CCNT2: variants seen among roughly 807,000 people sequenced by gnomAD.
CCNT2 encodes cyclin T2.
CCNT2 carries 18 observed loss-of-function variants against 70.0 expected under a neutral mutation model. The ratio of observed to expected loss-of-function variants is 0.26; its 90% CI spans 0.18 to 0.38. The LOEUF (loss-of-function observed/expected upper bound fraction) is 0.38. Among genes scored for constraint, CCNT2 ranks in the 10% least tolerant of loss-of-function variants. The pLI, the probability that CCNT2 is intolerant of heterozygous loss-of-function variation, is 1.00. For missense variants in CCNT2, 734 were observed against 890.2 expected, an observed-to-expected ratio of 0.82 and a Z score of 2.23; for synonymous variants, 334 against 313.3, an observed-to-expected ratio of 1.07 and a Z score of -0.70.
At chr2:134,937,017 T>C (rs1351957768) in intron 3 of CCNT2, 48 bp downstream of exon 3, 1 of 1,435,034 alleles carries the variant, frequency 7.0e-7, no homozygotes, top group South Asian at 1.2e-5. Flanking sequence ...TTTGAAACTT[T>C]TTCATAATGT....
chr2:134,926,597 C>T (rs557679298), intron 2 of CCNT2, among the ~76,000 whole-genome samples: 3 of 152,226 alleles, frequency 2.0e-5, no homozygotes, highest in Non-Finnish European at 4.4e-5. Context: ...GTGCTAGCTG[C>T]TCTTCTCACA....
chr2:134,954,010 A>G lies in CCNT2; in HGVS notation c.1555A>G (p.Ser519Gly), dbSNP rs1432783553. 6.2e-7 allele frequency: 1 copy of G among 1,614,234 alleles called. No homozygotes were observed. Among genetic ancestry groups the G allele is most frequent in the East Asian group, 2.2e-5 (1 of 44,894 alleles). Reference protein sequence around the residue: ...IPIPPTDKSASKEELKMKIKV... With the variant: ...IPIPPTDKSAGKEELKMKIKV... Reference sequence around the variant, plus strand: ...AATACCACCCACTGATAAAAGCGCCAGTAAAGAAGAACTGAAAATGAAAAT... The same window carrying G: ...AATACCACCCACTGATAAAAGCGCCGGTAAAGAAGAACTGAAAATGAAAAT... Residue 519 changes from serine to glycine, a missense_variant, in exon 9 of 9, where the codon AGT becomes GGT. Coordinates refer to ENST00000264157, the MANE Select transcript of CCNT2 (RefSeq NM_058241.3).
At chr2:134,944,707 A>C (rs912557855) in intron 5 of CCNT2, 3 of 983,648 alleles carry the variant, frequency 3.0e-6, no homozygotes, top group African/African-American at 3.5e-5. Flanking sequence ...GGTAACTAGA[A>C]TATATCTCAC....
At chr2:134,930,056 T>C (rs1680629381) in intron 2 of CCNT2, among the ~76,000 whole-genome samples, 1 of 152,118 alleles carries the variant, frequency 6.6e-6, no homozygotes, top group Admixed American at 6.5e-5. Flanking sequence ...ATTCAGTGGC[T>C]CACACGAAGT....
At chr2:134,951,811 A>G (rs1373190464) in intron 7 of CCNT2, among the ~76,000 whole-genome samples, 1 of 152,232 alleles carries the variant, frequency 6.6e-6, no homozygotes, top group Non-Finnish European at 1.5e-5. Context: ...CATTGGTACA[A>G]TACTGTTAAC....
intron 2 of CCNT2, among the ~76,000 whole-genome samples, chr2:134,936,481 C>T (rs542928706): frequency 3.0e-4 from 46 of 152,156 alleles, no homozygotes; most frequent in African/African-American, 1.1e-3. Context: ...GGGCTGGGTA[C>T]AGGGGCTTAT....
At chr2:134,939,141 T>C in intron 4 of CCNT2, 79 bp downstream of exon 4, 1 of 1,002,834 alleles carries the variant, frequency 1.0e-6, no homozygotes. Flanking sequence ...ATTTCTGAAA[T>C]AATTGTATTA....
intron 7 of CCNT2, among the ~76,000 whole-genome samples, chr2:134,951,987 C>T (rs1227524612): frequency 6.6e-6 from 1 of 152,116 alleles, no homozygotes; most frequent in Non-Finnish European, 1.5e-5. Flanking sequence ...TCATTTTATA[C>T]AGTGTTCCTT....
At chr2:134,936,742 G>T in intron 2 of CCNT2, 99 bp from the exon 3 acceptor site, 1 of 1,079,630 alleles carries the variant, frequency 9.3e-7, no homozygotes, top group Middle Eastern at 2.8e-4. Context: ...CAACAGGAGC[G>T]AAACTCCACC....
At chr2:134,931,262 CTTTTTTTTTTT>C (rs112471982) in intron 2 of CCNT2, among the ~76,000 whole-genome samples, 24 of 42,432 alleles carry the variant, frequency 5.7e-4, no homozygotes, top group South Asian at 2.1e-3. Flanking sequence ...ATGCCCGGAT[CTTTTTTTTTTT>C]TTTTTTTTTT....
rs775310444 is a variant in CCNT2 at position 134,953,436 on chromosome 2, A to T, written c.981A>T (p.Thr327=). 6.2e-7 allele frequency: 1 copy of T among 1,612,618 alleles called. No homozygotes were observed. The highest frequency in any genetic ancestry group is 1.3e-5 in the African/African-American group (1 of 74,784). Reference sequence around the variant, plus strand: ...ATATTTCTGTTCAAGACAGCCATACATCTGATAATTTGTCAATGCTAGCAA... The same window carrying T: ...ATATTTCTGTTCAAGACAGCCATACTTCTGATAATTTGTCAATGCTAGCAA... ...SGNISVQDSH[T]SDNLSMLATG... The change falls in exon 9 of 9, where the codon ACA becomes ACT. Residue 327 remains threonine (T), a synonymous_variant. Coordinates refer to ENST00000264157, the MANE Select transcript of CCNT2 (RefSeq NM_058241.3).
At chr2:134,936,996 T>C in intron 3 of CCNT2, 27 bp downstream of exon 3, 1 of 1,559,630 alleles carries the variant, frequency 6.4e-7, no homozygotes, top group Non-Finnish European at 8.7e-7. Context: ...TTTTTTATTT[T>C]TCTTTGTAAA....
chr2:134,941,837 C>G (rs1424216820), intron 4 of CCNT2, among the ~76,000 whole-genome samples: 6 of 152,056 alleles, frequency 3.9e-5, no homozygotes, highest in Admixed American at 6.6e-5. Flanking sequence ...GAAGATATGC[C>G]TCTATGGCTT....
intron 8 of CCNT2, 174 bp from the exon 9 acceptor site, chr2:134,953,056 C>T (rs1682644081): frequency 3.8e-6 from 2 of 522,014 alleles, no homozygotes; most frequent in East Asian, 3.0e-5. Context: ...TTTTTATAGC[C>T]TTTTATGCCT....
chr2:134,930,990 TCTCA>T (rs1680710287), intron 2 of CCNT2, among the ~76,000 whole-genome samples: 1 of 150,314 alleles, frequency 6.7e-6, no homozygotes, highest in South Asian at 2.1e-4. Context: ...TTTTGAGACA[TCTCA>T]CTCTGTCCCT....
At chr2:134,923,731 T>A (rs978411558) in intron 2 of CCNT2, among the ~76,000 whole-genome samples, 4 of 152,222 alleles carry the variant, frequency 2.6e-5, no homozygotes, top group African/African-American at 9.6e-5. Context: ...AGTATTCTCC[T>A]AAGGAAGCAG....
At chr2:134,934,055 C>A (rs1398903159) in intron 2 of CCNT2, among the ~76,000 whole-genome samples, 41 of 152,248 alleles carry the variant, frequency 2.7e-4, no homozygotes, top group Non-Finnish European at 5.9e-5. Flanking sequence ...TGATATATTT[C>A]TATAGAGAAA....
At chr2:134,945,923 T>A in intron 5 of CCNT2, 178 bp from the exon 6 acceptor site, 1 of 1,531,516 alleles carries the variant, frequency 6.5e-7, no homozygotes, top group South Asian at 1.2e-5. Context: ...TTTGAGTGAA[T>A]GTTGTTGAAG....
chr2:134,919,332 C>T (rs969319453), intron 1 of CCNT2, among the ~76,000 whole-genome samples: 5 of 152,186 alleles, frequency 3.3e-5, no homozygotes, highest in Middle Eastern at 3.2e-3. Context: ...GGGCGGCTCC[C>T]TGGACTTGTC....
Sources: allele counts gnomAD v4.1 joint callset (sites outside exome capture counted in the v4.1 genomes callset), GRCh38; gene constraint gnomAD v4.1.1; transcripts MANE v1.5; gene names NCBI Gene and HGNC (gene_info 2026-07-23, HGNC 2026-07-21).